MAP4K3: variants seen among roughly 807,000 people sequenced by gnomAD.
The protein encoded by MAP4K3 is mitogen-activated protein kinase kinase kinase kinase 3, also known as MAPK/ERK kinase kinase kinase 3.
In MAP4K3, 94 loss-of-function variants were observed where a neutral mutation model predicts 143.5. That is an observed-to-expected ratio of 0.65 (90% CI 0.55 to 0.78). MAP4K3 has a LOEUF of 0.78. MAP4K3 is among the 30% of genes least tolerant of loss of function. MAP4K3 has a pLI of 0.00. For missense variants in MAP4K3, 1,077 were observed against 1,068.1 expected (o/e 1.01, Z -0.12); for synonymous variants, 416 against 347.2 (o/e 1.20, Z -2.20).
intron 22 of MAP4K3, among the ~76,000 whole-genome samples, chr2:39,281,997 C>G (rs1206580209): frequency 2.0e-5 from 3 of 151,922 alleles, no homozygotes; most frequent in Non-Finnish European, 4.4e-5. Flanking sequence ...AGTTCAAGAC[C>G]AGCCTGGCCA....
At chr2:39,337,641 A>T in intron 4 of MAP4K3, 60 bp from the exon 5 acceptor site, 1 of 1,164,622 alleles carries the variant, frequency 8.6e-7, no homozygotes, top group Admixed American at 1.8e-5. Flanking sequence ...TCAATATATA[A>T]TAAAGTTTTA....
At chr2:39,431,836 G>C (rs1188280277) in intron 1 of MAP4K3, among the ~76,000 whole-genome samples, 1 of 152,174 alleles carries the variant, frequency 6.6e-6, no homozygotes, top group African/African-American at 2.4e-5. Flanking sequence ...TGAGGAAACT[G>C]AGACACACAG....
chr2:39,260,482 T>G, intron 29 of MAP4K3, 124 bp downstream of exon 29: 2 of 730,040 alleles, frequency 2.7e-6, no homozygotes, highest in Non-Finnish European at 4.5e-6. Context: ...CTTCTTCCAG[T>G]TTAATAATAG....
chr2:39,333,026 T>C (rs901940946), intron 7 of MAP4K3, among the ~76,000 whole-genome samples: 8 of 152,130 alleles, frequency 5.3e-5, no homozygotes, highest in African/African-American at 1.9e-4. Flanking sequence ...ATTTAGGTTT[T>C]GAACTCTATT....
chr2:39,392,193 A>AAAAAAAAAAAAAAAAT, intron 1 of MAP4K3, among the ~76,000 whole-genome samples: 1 of 151,272 alleles, frequency 6.6e-6, no homozygotes, highest in Non-Finnish European at 1.5e-5. Context: ...CAAAAAAAAA[A>AAAAAAAAAAAAAAAAT]AAAAAAAAAA....
rs368426677 is a variant in MAP4K3, at chr2:39,414,290, G to A, written c.96+22602C>T. ...AAATCCTGCTCTTAACCTTAAAATT[G>A]TATCTTACTACTAAATCCTAGTTAG... On this transcript the variant is annotated intron_variant, in intron 1 of 33. Transcript: ENST00000263881. Among the ~76,000 whole-genome samples the A allele has an allele frequency of 8.5e-5, 13 of 152,246 alleles. No homozygotes were observed. The South Asian group carries it at 2.7e-3, about 32-fold the overall frequency.
intron 26 of MAP4K3, among the ~76,000 whole-genome samples, chr2:39,269,885 A>G (rs1680940353): frequency 6.6e-6 from 1 of 152,180 alleles, no homozygotes; most frequent in South Asian, 2.1e-4. Flanking sequence ...ATAACTTACA[A>G]TTATAAAAAT....
intron 12 of MAP4K3, among the ~76,000 whole-genome samples, chr2:39,318,852 G>A (rs923579575): frequency 1.3e-5 from 2 of 152,172 alleles, no homozygotes; most frequent in Admixed American, 1.3e-4. Flanking sequence ...ATGGGAGCTA[G>A]ATGAGAATGT....
At chr2:39,428,696 T>C (rs1345568953) in intron 1 of MAP4K3, among the ~76,000 whole-genome samples, 1 of 152,024 alleles carries the variant, frequency 6.6e-6, no homozygotes, top group Non-Finnish European at 1.5e-5. Flanking sequence ...AAAAAAATCT[T>C]TGGATACATA....
intron 24 of MAP4K3, 147 bp downstream of exon 24, chr2:39,278,260 G>C: frequency 1.9e-6 from 1 of 516,302 alleles, no homozygotes; most frequent in Non-Finnish European, 3.4e-6. Flanking sequence ...CAACAAGAGT[G>C]AGACTTGGTC....
chr2:39,344,037 T>C (rs896229898), intron 3 of MAP4K3, among the ~76,000 whole-genome samples: 1 of 152,184 alleles, frequency 6.6e-6, no homozygotes, highest in Non-Finnish European at 1.5e-5. Context: ...CATTATTTAA[T>C]CTCTTAAAAA....
chr2:39,297,231 C>T (rs943017446), intron 16 of MAP4K3, among the ~76,000 whole-genome samples: 1 of 152,084 alleles, frequency 6.6e-6, no homozygotes, highest in African/African-American at 2.4e-5. Flanking sequence ...GATTCCCCTG[C>T]CTCAGCCTCC....
At chr2:39,286,725 C>A (rs1317780876) in intron 21 of MAP4K3, 127 bp downstream of exon 21, 5 of 424,278 alleles carry the variant, frequency 1.2e-5, no homozygotes, top group African/African-American at 4.1e-5. Flanking sequence ...AATTAATATA[C>A]TAAAATATCA....
chr2:39,300,566 G>A (rs907611739), intron 15 of MAP4K3, among the ~76,000 whole-genome samples: 2 of 152,164 alleles, frequency 1.3e-5, no homozygotes, highest in African/African-American at 4.8e-5. Context: ...TCTTCTTAAA[G>A]AGCCACTGTA....
chr2:39,390,242 T>C (rs1666615452), intron 1 of MAP4K3, among the ~76,000 whole-genome samples: 1 of 152,208 alleles, frequency 6.6e-6, no homozygotes, highest in Admixed American at 6.5e-5. Context: ...AAAGTCCTGT[T>C]GTGCCTTCAG....
chr2:39,369,193 G>GTTTTTTTGTTTTTTTTT (rs747293878), intron 2 of MAP4K3, among the ~76,000 whole-genome samples: 1 of 37,970 alleles, frequency 2.6e-5, no homozygotes, highest in African/African-American at 5.8e-5. Context: ...CTTTGGGCTA[G>GTTTTTTTGTTTTTTTTT]TTTTTTTTTT....
rs3755175 is a variant in MAP4K3 at position 39,280,768 on chromosome 2, T to C, written c.1630-412A>G. On this transcript the variant is annotated intron_variant, in intron 22 of 33. Coordinates refer to ENST00000263881, the MANE Select transcript of MAP4K3 (RefSeq NM_003618.4). ...TTGTTTGGTTTTATGAGCCTAAAAA[T>C]GGTATTAAAAATTGAATTTCACATT... 1.7e-3 allele frequency among the ~76,000 whole-genome samples: 257 copies of C among 152,204 alleles called. 6 individuals carry two copies. In the East Asian group the frequency reaches 0.024, roughly 14 times the overall value.
intron 24 of MAP4K3, among the ~76,000 whole-genome samples, chr2:39,275,401 G>C (rs1008572697): frequency 6.6e-6 from 1 of 152,146 alleles, no homozygotes; most frequent in African/African-American, 2.4e-5. Flanking sequence ...TGGGTCACTT[G>C]AGCCCAGGAG....
chr2:39,275,303 A>G (rs1008602171), intron 24 of MAP4K3, among the ~76,000 whole-genome samples: 2 of 152,112 alleles, frequency 1.3e-5, no homozygotes, highest in African/African-American at 4.8e-5. Flanking sequence ...TGGGCAACAA[A>G]GTGAAATCCC....
Sources: gnomAD v4.1 joint callset for allele counts (sites outside exome capture counted in the v4.1 genomes callset) on GRCh38, gnomAD v4.1.1 for gene constraint, MANE v1.5 for transcripts, NCBI Gene and HGNC (gene_info 2026-07-23, HGNC 2026-07-21) for gene names.